CACNA1H: variants seen among roughly 807,000 people sequenced by gnomAD.
CACNA1H encodes the protein voltage-dependent T-type calcium channel subunit alpha-1H.
CACNA1H carries 149 observed loss-of-function variants against 192.5 expected under a neutral mutation model. The ratio of observed to expected loss-of-function variants is 0.77; its 90% CI spans 0.68 to 0.89. The LOEUF (loss-of-function observed/expected upper bound fraction) is 0.89. Ranked by LOEUF, CACNA1H falls within the 40% of genes least tolerant of loss-of-function variation. The pLI, the probability that CACNA1H is intolerant of heterozygous loss-of-function variation, is 0.00. For synonymous variants in CACNA1H, 2,202 were observed against 1,475.2 expected (o/e 1.49, Z -11.29); for missense variants, 4,257 against 3,423.5 (o/e 1.24, Z -6.08).
chr16:1,211,104 G>C (rs568493924), intron 21 of CACNA1H, 64 bp from the exon 22 acceptor site: 135 of 1,588,602 alleles, frequency 8.5e-5, no homozygotes, highest in Non-Finnish European at 1.1e-4. Context: ...CCTTTGCTGA[G>C]CTCTGCCGGC....
At chr16:1,186,476 A>C (rs1966071840) in intron 2 of CACNA1H, among the ~76,000 whole-genome samples, 1 of 151,670 alleles carries the variant, frequency 6.6e-6, no homozygotes, top group East Asian at 1.9e-4. Context: ...GTCACTGTGG[A>C]CTCTGCCCAC....
intron 2 of CACNA1H, among the ~76,000 whole-genome samples, chr16:1,162,650 G>GC (rs1188821175): frequency 1.3e-5 from 2 of 151,444 alleles, no homozygotes; most frequent in African/African-American, 4.9e-5. Context: ...GGGGGGGGGG[G>GC]GTCCATCCTA....
intron 2 of CACNA1H, among the ~76,000 whole-genome samples, chr16:1,166,669 G>A (rs1267709217): frequency 2.0e-5 from 3 of 152,060 alleles, no homozygotes; most frequent in African/African-American, 7.2e-5. Context: ...TGTTCTGGAC[G>A]TTCCCTGTAT....
At chr16:1,182,457 C>T (rs547710569) in intron 2 of CACNA1H, among the ~76,000 whole-genome samples, 1 of 152,254 alleles carries the variant, frequency 6.6e-6, no homozygotes, top group South Asian at 2.1e-4. Context: ...GGTGCTCTCC[C>T]ACGGGCAGCC....
chr16:1,208,950 T>G lies in CACNA1H; in HGVS notation c.3364-82T>G. ...TGCATTAAATGATCCACGTGTGGCT[T>G]GCACACAGTGGGTGCTCCGTAATGA... is the stretch of plus-strand genomic sequence containing the variant. On this transcript the variant is annotated intron_variant, in intron 16 of 34. Coordinates refer to ENST00000348261, the MANE Select transcript of CACNA1H (RefSeq NM_021098.3). 17 of 1,324,588 alleles carry G rather than the reference T, an allele frequency of 1.3e-5. No individual in the cohort carries two copies. The South Asian group carries it at 3.0e-4, about 24-fold the overall frequency. The allele number at this position is 1,324,588 out of a possible 1,614,324, so 82.1% of individuals were successfully genotyped here.
chr16:1,195,452 C>T lies in CACNA1H; in HGVS notation c.432C>T (p.Phe144=), dbSNP rs1304870248. The change falls in exon 4 of 35, where the codon TTC becomes TTT. Residue 144 remains phenylalanine (F), a synonymous_variant. Coordinates refer to ENST00000348261, the MANE Select transcript of CACNA1H (RefSeq NM_021098.3). The part of the protein sequence containing the change: ...NILEAFDAFI[F]AFFAVEMVIK... Reference sequence around the variant, plus strand: ...CGCAGGCCTTTGACGCCTTCATTTTCGCCTTTTTTGCGGTGGAGATGGTCA... The same window carrying T: ...CGCAGGCCTTTGACGCCTTCATTTTTGCCTTTTTTGCGGTGGAGATGGTCA... 3.2e-6 allele frequency: 5 copies of T among 1,560,474 alleles called. No individual in the cohort carries two copies. In the Admixed American group the frequency reaches 5.8e-5, roughly 18 times the overall value.
chr16:1,202,921 A>G (rs939039435), intron 9 of CACNA1H, among the ~76,000 whole-genome samples: 1 of 151,754 alleles, frequency 6.6e-6, no homozygotes, highest in African/African-American at 2.4e-5. Flanking sequence ...AGAGTCAGGA[A>G]GAGAGGCTGG....
At position 1,210,457 on chromosome 16, in the gene CACNA1H, C is replaced by T. The variant is rs200353061; in HGVS notation, c.3933C>T (p.Ile1311=). 28 of 1,611,350 alleles carry T rather than the reference C, an allele frequency of 1.7e-5. No homozygotes were observed. The highest frequency in any genetic ancestry group is 3.3e-5 in the Admixed American group (2 of 59,898). ...TCATCTTCCTCAACTGCGTCACCAT[C>T]GCCCTGGAGAGGCCTGACATTGATC... ...LVFIFLNCVT[I]ALERPDIDPG... Residue 1311 remains isoleucine (I), a synonymous_variant, in exon 19 of 35, where the codon ATC becomes ATT. Transcript: ENST00000348261.
chr16:1,209,326 C>G lies in CACNA1H; in HGVS notation c.3658C>G (p.Gln1220Glu), dbSNP rs775405041. Residue 1220 changes from glutamine (Q) to glutamate (E), a missense_variant, in exon 17 of 35, where the codon CAG (glutamine) becomes GAG (glutamate). Gln to Glu is a conservative substitution (Grantham distance 29). Coordinates refer to ENST00000348261, the MANE Select transcript of CACNA1H (RefSeq NM_021098.3). ...TACCAAGTGCCGCGATCGCGACGGG[C>G]AGGTGGTGGCCCTGCCCAGCGACTT... ...PPTKCRDRDG[Q>E]VVALPSDFFL... 1.3e-5 allele frequency: 20 copies of G among 1,597,830 alleles called. No homozygotes were observed. The African/African-American group carries it at 2.1e-4, about 17-fold the overall frequency.
At position 1,170,278 on chromosome 16, in the gene CACNA1H, A is replaced by G. The variant is rs935034499; in HGVS notation, c.299+16242A>G. Among the ~76,000 whole-genome samples, 4 of 152,128 alleles carry G rather than the reference A, an allele frequency of 2.6e-5. No individual in the cohort carries two copies. In the East Asian group the frequency reaches 5.8e-4, roughly 22 times the overall value. On this transcript the variant is annotated intron_variant, in intron 2 of 34. Transcript: ENST00000348261. ...CTTTGTGAGGGGCGGGCCCCTCCCC[A>G]CGCCTTCGGGCCTTTCCCTGGGTTG...
chr16:1,195,385 G>A, intron 3 of CACNA1H, 47 bp from the exon 4 acceptor site: 2 of 1,548,776 alleles, frequency 1.3e-6, no homozygotes, highest in Non-Finnish European at 8.7e-7. Context: ...GGGGTTGTGG[G>A]CTGAGCTGAG....
chr16:1,221,742 G>A lies in CACNA1H; in HGVS notation c.*748G>A, dbSNP rs140593829. ...TCAAGGGAGAGGGAGGGGGCGGAGC[G>A]GAATAAATAGTAACTTATTTAAGAA... On this transcript the variant is annotated 3_prime_UTR_variant, in exon 35 of 35. Transcript: ENST00000348261. The A allele has an allele frequency of 1.0e-4, 155 of 1,516,856 alleles. No homozygotes were observed. In the African/African-American group the frequency reaches 1.4e-3, roughly 13 times the overall value. The allele number at this position is 1,516,856 out of a possible 1,614,324, so 94.0% of individuals were successfully genotyped here. A position where few individuals can be genotyped will look rare whatever the true frequency, so the allele number is the denominator to read the frequency against.
intron 2 of CACNA1H, among the ~76,000 whole-genome samples, chr16:1,156,506 G>C (rs1022361736): frequency 3.9e-5 from 6 of 152,208 alleles, no homozygotes; most frequent in South Asian, 4.1e-4. Context: ...CAGATTCCTG[G>C]GAGTTGGGAG....
At chr16:1,197,269 G>A (rs529888864) in intron 5 of CACNA1H, among the ~76,000 whole-genome samples, 12 of 152,202 alleles carry the variant, frequency 7.9e-5, no homozygotes, top group Non-Finnish European at 1.6e-4. Flanking sequence ...TGACCCCAAG[G>A]GTGGCTGAGC....
In CACNA1H at chr16:1,204,358, G is replaced by T; in HGVS notation, c.2351G>T (p.Gly784Val). The T allele has an allele frequency of 6.3e-7, 1 of 1,576,670 alleles. No homozygotes were observed. Among genetic ancestry groups the T allele is most frequent in the Non-Finnish European group, 8.6e-7 (1 of 1,162,056 alleles). ...WMGRLWVTFS[G>V]KLRRIVDSKY... ...GGCCGCCTCTGGGTTACCTTCAGCG[G>T]CAAGCTGCGCCGCATCGTGGACAGC... Residue 784 changes from glycine to valine, a missense_variant, in exon 10 of 35, where the codon GGC becomes GTC. Transcript: ENST00000348261.
intron 23 of CACNA1H, 27 bp downstream of exon 23, chr16:1,211,633 G>A: frequency 6.2e-7 from 1 of 1,609,460 alleles, no homozygotes. Context: ...GGCGGGAGCT[G>A]GGGGTCTCCA....
intron 2 of CACNA1H, 83 bp from the exon 3 acceptor site, chr16:1,194,889 C>T (rs1478391989): frequency 5.8e-6 from 6 of 1,038,384 alleles, no homozygotes; most frequent in Admixed American, 1.7e-5. Context: ...GGCGGGGCTC[C>T]GGCTGACCGG....
intron 28 of CACNA1H, 21 bp downstream of exon 28, chr16:1,215,102 T>G: frequency 1.2e-6 from 2 of 1,600,938 alleles, no homozygotes; most frequent in Non-Finnish European, 1.7e-6. Flanking sequence ...TGGGGCCGTC[T>G]TGGGTTCTGG....
rs765662579 is a variant in CACNA1H, at chr16:1,213,753, C to T, written c.4778-27C>T. ...AGGAGCGCCGGGCGGCCCTCCTGCCCGGCGCTCATGGCCGCCCTCCCCGCA... is the reference window on the plus strand; with the variant it reads ...AGGAGCGCCGGGCGGCCCTCCTGCCTGGCGCTCATGGCCGCCCTCCCCGCA... On this transcript the variant is annotated intron_variant, in intron 26 of 34. Transcript: ENST00000348261. The T allele has an allele frequency of 3.1e-5, 47 of 1,510,776 alleles. 1 individual carries two copies. Among genetic ancestry groups the T allele is most frequent in the Middle Eastern group, 3.9e-4 (2 of 5,070 alleles). 93.6% of individuals were successfully genotyped at this position (1,510,776 alleles called of 1,614,324 possible).
Sources: allele counts gnomAD v4.1 joint callset (sites outside exome capture counted in the v4.1 genomes callset), GRCh38; gene constraint gnomAD v4.1.1; transcripts MANE v1.5; gene names NCBI Gene and HGNC (gene_info 2026-07-23, HGNC 2026-07-21).